RELN: variants seen among roughly 807,000 people sequenced by gnomAD.
RELN encodes the protein reelin.
RELN carries 108 observed loss-of-function variants against 427.6 expected under a neutral mutation model. That is an observed-to-expected ratio of 0.25 (90% confidence interval 0.22 to 0.30). RELN has a LOEUF of 0.30. RELN is among the 10% of genes least tolerant of loss of function. The pLI is 1.00. For missense variants in RELN, 3,715 were observed against 4,302.8 expected, an observed-to-expected ratio of 0.86 and a Z score of 3.82; for synonymous variants, 1,524 against 1,513.4, an observed-to-expected ratio of 1.01 and a Z score of -0.16.
intron 28 of RELN, among the ~76,000 whole-genome samples, chr7:103,580,376 A>G (rs1255988029): frequency 6.6e-6 from 1 of 152,130 alleles, no homozygotes; most frequent in African/African-American, 2.4e-5. Context: ...ATCCAAATTA[A>G]CCATGAAGCT....
At chr7:103,792,296 A>G (rs1348154160) in intron 3 of RELN, among the ~76,000 whole-genome samples, 1 of 152,222 alleles carries the variant, frequency 6.6e-6, no homozygotes, top group Non-Finnish European at 1.5e-5. Context: ...TATTAATAAT[A>G]GGCAAAAGTG....
intron 6 of RELN, among the ~76,000 whole-genome samples, chr7:103,744,035 T>G (rs918811848): frequency 1.8e-4 from 27 of 152,214 alleles, no homozygotes; most frequent in Middle Eastern, 3.4e-3. Context: ...TCAGCAAATG[T>G]AAAAGAACAG....
At position 103,837,246 on chromosome 7, in the gene RELN, T is replaced by C. The variant is rs113521025; in HGVS notation, c.338-3574A>G. Among the ~76,000 whole-genome samples the C allele has an allele frequency of 8.5e-3, 1,288 of 152,312 alleles. 16 individuals are homozygous for C. The highest frequency in any genetic ancestry group is 0.029 in the African/African-American group (1,196 of 41,582). Reference sequence around the variant, plus strand: ...ATCAAAATGATTTCTCTAAAAGGCATACATGATCATGTCAATCCCTGTGAA... The same window carrying C: ...ATCAAAATGATTTCTCTAAAAGGCACACATGATCATGTCAATCCCTGTGAA... On this transcript the variant is annotated intron_variant, in intron 2 of 64. Coordinates refer to ENST00000428762, the MANE Select transcript of RELN (RefSeq NM_005045.4).
intron 1 of RELN, among the ~76,000 whole-genome samples, chr7:103,938,991 G>A (rs1016972748): frequency 6.6e-6 from 1 of 150,788 alleles, no homozygotes; most frequent in African/African-American, 2.4e-5. Flanking sequence ...TGCCCAGGCT[G>A]TATGTAGTCC....
intron 16 of RELN, 31 bp downstream of exon 16, chr7:103,650,243 G>T: frequency 1.6e-6 from 2 of 1,241,360 alleles, no homozygotes; most frequent in Non-Finnish European, 2.4e-6. Context: ...TACATCAATG[G>T]CATGTGATTA....
chr7:103,502,596 T>A (rs909624423), intron 52 of RELN, among the ~76,000 whole-genome samples: 1 of 152,114 alleles, frequency 6.6e-6, no homozygotes, highest in African/African-American at 2.4e-5. Flanking sequence ...GTGGTAGAAA[T>A]AGCATGATGA....
intron 1 of RELN, among the ~76,000 whole-genome samples, chr7:103,934,477 T>A (rs577070225): frequency 6.6e-6 from 1 of 152,248 alleles, no homozygotes; most frequent in East Asian, 1.9e-4. Flanking sequence ...ATATCCTACA[T>A]CCCCCTTTCA....
intron 24 of RELN, among the ~76,000 whole-genome samples, chr7:103,597,551 G>A (rs1451816429): frequency 2.6e-5 from 4 of 152,122 alleles, no homozygotes; most frequent in Admixed American, 1.3e-4. Flanking sequence ...TGCAGTGAGC[G>A]AGATCAGGCC....
intron 2 of RELN, among the ~76,000 whole-genome samples, chr7:103,882,929 C>CA (rs902034054): frequency 1.6e-4 from 25 of 152,204 alleles, no homozygotes; most frequent in African/African-American, 4.6e-4. Context: ...CTCCCTAACT[C>CA]ACTTTATGAG....
In RELN at chr7:103,755,815, G is replaced by GAAA. The variant is rs4006762; in HGVS notation, c.545-2604_545-2602dup. ...GGGACAGAGTGAGACTCCACCTCAA[G>GAAA]AAAAAAAAAAAAAAAAGATATCATG... On this transcript the variant is annotated intron_variant, in intron 4 of 64. Transcript: ENST00000428762. 6.9e-4 allele frequency among the ~76,000 whole-genome samples: 72 copies of GAAA among 103,630 alleles called. 2 individuals carry two copies. The highest frequency in any genetic ancestry group is 1.4e-3 in the African/African-American group (37 of 27,144). 68.0% of individuals were successfully genotyped at this position (103,630 alleles called of 152,430 possible). A position where few individuals can be genotyped will look rare whatever the true frequency, so the allele number is the denominator to read the frequency against.
chr7:103,932,624 C>T (rs1795891046), intron 1 of RELN, among the ~76,000 whole-genome samples: 1 of 152,192 alleles, frequency 6.6e-6, no homozygotes, highest in Non-Finnish European at 1.5e-5. Context: ...GGAAGCAGCA[C>T]CTATTCGTTG....
chr7:103,795,825 G>C (rs1014609040), intron 3 of RELN, among the ~76,000 whole-genome samples: 7 of 152,162 alleles, frequency 4.6e-5, no homozygotes, highest in African/African-American at 1.7e-4. Flanking sequence ...TTACATTCTG[G>C]ATAAGTAGCA....
At chr7:103,802,753 T>C (rs933083695) in intron 3 of RELN, among the ~76,000 whole-genome samples, 3 of 152,152 alleles carry the variant, frequency 2.0e-5, no homozygotes, top group East Asian at 3.8e-4. Context: ...GGGATAGATA[T>C]ATAACTACAT....
rs1046995432 is a variant in RELN, at chr7:103,775,066, C to T, written c.544+1491G>A. Among the ~76,000 whole-genome samples, 4 of 152,186 alleles carry T rather than the reference C, an allele frequency of 2.6e-5. No homozygotes were observed. The East Asian group carries it at 7.7e-4, about 29-fold the overall frequency. On this transcript the variant is annotated intron_variant, in intron 4 of 64. Transcript: ENST00000428762. ...ATAGAAAAGACTAAAAAATTTAAGG[C>T]TTAAAAGAAATTAGTTTTTAGACAA...
At chr7:103,687,875 T>C (rs576695252) in intron 10 of RELN, among the ~76,000 whole-genome samples, 20 of 152,288 alleles carry the variant, frequency 1.3e-4, no homozygotes, top group Middle Eastern at 3.4e-3. Context: ...CTATTGCCAC[T>C]CTTGTCATGG....
At chr7:103,755,178 G>A (rs28438024) in intron 4 of RELN, among the ~76,000 whole-genome samples, 58,510 of 151,874 alleles carry the variant, frequency 0.39, 11,761 homozygotes, top group East Asian at 0.64. Flanking sequence ...GATAGTGGCC[G>A]GGCCCGGTGG....
intron 11 of RELN, among the ~76,000 whole-genome samples, chr7:103,680,484 A>G (rs140940586): frequency 2.2e-3 from 330 of 151,958 alleles, no homozygotes; most frequent in Non-Finnish European, 3.3e-3. Flanking sequence ...CAAGCTCCAT[A>G]ATCAGGAAAG....
chr7:103,510,497 A>C (rs1453994570), intron 51 of RELN, among the ~76,000 whole-genome samples: 1 of 146,574 alleles, frequency 6.8e-6, no homozygotes, highest in African/African-American at 2.5e-5. Context: ...CGGGGAGTGG[A>C]GGAGGGATAG....
At chr7:103,680,743 AAATGAGAAAC>A (rs1418969454) in intron 11 of RELN, among the ~76,000 whole-genome samples, 1 of 151,958 alleles carries the variant, frequency 6.6e-6, no homozygotes, top group Non-Finnish European at 1.5e-5. Context: ...CTAGAGGCTA[AAATGAGAAAC>A]AGTGGTTTCT....
Sources: gnomAD v4.1 joint callset for allele counts (sites outside exome capture counted in the v4.1 genomes callset) on GRCh38, gnomAD v4.1.1 for gene constraint, MANE v1.5 for transcripts, NCBI Gene and HGNC (gene_info 2026-07-23, HGNC 2026-07-21) for gene names.